The following MYT1L variants were observed in gnomAD, a reference collection of about 807,000 sequenced individuals.
MYT1L encodes myelin transcription factor 1 like, also known as myelin transcription factor 1-like protein.
MYT1L carries 12 observed loss-of-function variants against 126.7 expected under a neutral mutation model. That is an observed-to-expected ratio of 0.09 (90% CI 0.06 to 0.15). The LOEUF (loss-of-function observed/expected upper bound fraction) is 0.15. Ranked by LOEUF, MYT1L falls within the 10% of genes least tolerant of loss-of-function variation. The pLI is 1.00. For missense variants in MYT1L, 979 were observed against 1,585.2 expected, an observed-to-expected ratio of 0.62 and a Z score of 6.49; for synonymous variants, 541 against 604.2, an observed-to-expected ratio of 0.90 and a Z score of 1.53.
At chr2:2,285,775 T>C (rs936050961) in intron 1 of MYT1L, among the ~76,000 whole-genome samples, 2 of 152,194 alleles carry the variant, frequency 1.3e-5, no homozygotes, top group African/African-American at 4.8e-5. Flanking sequence ...AGTATCTCTC[T>C]TAATCCTCAA....
intron 3 of MYT1L, among the ~76,000 whole-genome samples, chr2:2,092,005 A>G (rs563129416): frequency 3.3e-5 from 5 of 152,328 alleles, no homozygotes; most frequent in African/African-American, 1.2e-4. Flanking sequence ...AACTTTCCCC[A>G]TATCAGCAAT....
intron 8 of MYT1L, among the ~76,000 whole-genome samples, chr2:1,977,431 G>A (rs551007153): frequency 1.1e-4 from 17 of 152,274 alleles, no homozygotes; most frequent in South Asian, 2.1e-4. Context: ...ATTTGGAAAC[G>A]TCACGATTTT....
At chr2:1,845,182 T>A (rs1362963300) in intron 19 of MYT1L, among the ~76,000 whole-genome samples, 1 of 152,116 alleles carries the variant, frequency 6.6e-6, no homozygotes, top group Non-Finnish European at 1.5e-5. Context: ...TTTCATCATG[T>A]TAGCTGATCT....
rs1440658953 is a variant in MYT1L at position 2,059,210 on chromosome 2, T to C, written c.-303-5087A>G. ...GGTGCCTGGCTGAGTGGGCCTGCAG[T>C]GGCCATAGCATCCCAGCTTCTTACT... On this transcript the variant is annotated intron_variant, in intron 3 of 24. Coordinates refer to ENST00000647738, the MANE Select transcript of MYT1L (RefSeq NM_001303052.2). The surrounding 1 kb of genome is among the most constrained non-coding windows in gnomAD (Gnocchi z 4.7). Among the ~76,000 whole-genome samples, 1 of 152,208 alleles carries C rather than the reference T, an allele frequency of 6.6e-6. No homozygotes were observed. Among genetic ancestry groups the C allele is most frequent in the Non-Finnish European group, 1.5e-5 (1 of 68,046 alleles).
At chr2:1,956,756 T>C (rs2058517505) in intron 8 of MYT1L, among the ~76,000 whole-genome samples, 3 of 152,114 alleles carry the variant, frequency 2.0e-5, no homozygotes, top group Admixed American at 2.0e-4. Flanking sequence ...ACAAGAGATA[T>C]AATATTTTCT....
rs1209160438 is a variant in MYT1L, at chr2:1,903,186, G to A, written c.1926C>T (p.Ser642=). ...AACTGTTGTATTCAAACGAGGTCTT[G>A]GAATATTTCTCGAGCTCCTTGGCCA... ...SNLAKELEKY[S]KTSFEYNSYD... is the part of the protein sequence containing the mutation. The change falls in exon 14 of 25, where the codon TCC becomes TCT. Residue 642 remains serine (S), a synonymous_variant. Coordinates refer to ENST00000647738, the MANE Select transcript of MYT1L (RefSeq NM_001303052.2). 6.2e-7 allele frequency: 1 copy of A among 1,613,924 alleles called. No homozygotes were observed. The highest frequency in any genetic ancestry group is 8.5e-7 in the Non-Finnish European group (1 of 1,179,874).
At chr2:2,316,277 G>C (rs927805566) in intron 1 of MYT1L, among the ~76,000 whole-genome samples, 2 of 152,178 alleles carry the variant, frequency 1.3e-5, no homozygotes, top group African/African-American at 4.8e-5. Flanking sequence ...GTGAGAACAT[G>C]CCATCGGCTA....
intron 18 of MYT1L, among the ~76,000 whole-genome samples, chr2:1,882,317 G>A (rs920807050): frequency 2.6e-5 from 4 of 152,098 alleles, no homozygotes; most frequent in African/African-American, 9.7e-5. Context: ...TCTCCCCCGA[G>A]ACATTCCCAT....
chr2:1,842,866 A>AGCTTCCGCTGCCAGGC (rs2041946682), intron 19 of MYT1L: 2 of 85,194 alleles, frequency 2.3e-5, no homozygotes, highest in Non-Finnish European at 4.6e-5. Flanking sequence ...TCGTCTGTCC[A>AGCTTCCGCTGCCAGGC]GCTTCCGCTT....
Position 1,922,292 on chromosome 2 carries a change from C to T in MYT1L, c.1477G>A (p.Gly493Ser), listed in dbSNP as rs1329638806. 5.0e-6 allele frequency: 8 copies of T among 1,613,336 alleles called. No individual in the cohort carries two copies. The highest frequency in any genetic ancestry group is 6.8e-6 in the Non-Finnish European group (8 of 1,179,464). The change falls in exon 10 of 25, where the codon GGT becomes AGT. Residue 493 changes from glycine to serine, a missense_variant. Coordinates refer to ENST00000647738, the MANE Select transcript of MYT1L (RefSeq NM_001303052.2). This position sits in a 1 kb window ranked among gnomAD's most constrained non-coding sequence, Gnocchi z 7.4. ...CGTTAGGTAGAAATATTACCTTTAC[C>T]ATAGTATGGCTTTTTGACATGGCTG... is the stretch of plus-strand genomic sequence containing the variant. ...SDSHVKKPYY[G>S]KDPSRTEKKE...
intron 2 of MYT1L, among the ~76,000 whole-genome samples, chr2:2,223,373 G>A (rs562777262): frequency 6.6e-6 from 1 of 152,326 alleles, no homozygotes; most frequent in African/African-American, 2.4e-5. Context: ...CTCTATTAAA[G>A]AGTATTTGAA....
intron 3 of MYT1L, among the ~76,000 whole-genome samples, chr2:2,104,714 C>T (rs1022965623): frequency 1.3e-5 from 2 of 152,342 alleles, no homozygotes; most frequent in South Asian, 4.1e-4. Flanking sequence ...TGAATGTTAC[C>T]TTAGGAAACA....
intron 4 of MYT1L, among the ~76,000 whole-genome samples, chr2:2,034,140 T>C (rs951429158): frequency 6.6e-6 from 1 of 152,142 alleles, no homozygotes; most frequent in African/African-American, 2.4e-5. Context: ...TAGTAAGTCG[T>C]AGGGACATTG....
At chr2:2,178,603 T>A (rs1255575842) in intron 2 of MYT1L, among the ~76,000 whole-genome samples, 1 of 152,198 alleles carries the variant, frequency 6.6e-6, no homozygotes, top group Non-Finnish European at 1.5e-5. Flanking sequence ...CTCTGTCCCC[T>A]CAGGGTCTGC....
intron 4 of MYT1L, among the ~76,000 whole-genome samples, chr2:2,006,522 C>T (rs1030791313): frequency 2.0e-5 from 3 of 152,082 alleles, no homozygotes; most frequent in Non-Finnish European, 4.4e-5. Flanking sequence ...TCCCCATCAC[C>T]CCCCACCCAT....
Position 1,892,073 on chromosome 2 carries a change from G to A in MYT1L, c.2247C>T (p.Asn749=). The A allele has an allele frequency of 6.5e-7, 1 of 1,541,040 alleles. No homozygotes were observed. The highest frequency in any genetic ancestry group is 8.7e-7 in the Non-Finnish European group (1 of 1,146,090). ...LSTRCREMPQ[N]LSTKPQDLCA... ...ACAGGTCCTGCGGCTTGGTGCTCAG[G>A]TTCTGCGGCATCTCGCGGCAGCGCG... is the stretch of plus-strand genomic sequence containing the variant. Residue 749 remains asparagine, a synonymous_variant, in exon 15 of 25, where the codon AAC becomes AAT. Coordinates refer to ENST00000647738, the MANE Select transcript of MYT1L (RefSeq NM_001303052.2).
chr2:2,037,804 CA>C (rs527384744), intron 4 of MYT1L, among the ~76,000 whole-genome samples: 1,509 of 139,998 alleles, frequency 0.011, 32 homozygotes, highest in African/African-American at 0.037. Flanking sequence ...AACAAAAAAA[CA>C]AAAAAAAAAC....
intron 14 of MYT1L, among the ~76,000 whole-genome samples, chr2:1,898,511 G>T (rs2049912936): frequency 6.6e-6 from 1 of 152,220 alleles, no homozygotes. Flanking sequence ...TTTCCTCAGT[G>T]TCCTTGGCAC....
At chr2:2,229,804 G>C (rs185035887) in intron 2 of MYT1L, among the ~76,000 whole-genome samples, 49 of 152,262 alleles carry the variant, frequency 3.2e-4, no homozygotes, top group Admixed American at 3.0e-3. Context: ...GTGTAAAACT[G>C]CACAGCTAGT....
Sources: allele counts gnomAD v4.1 joint callset (sites outside exome capture counted in the v4.1 genomes callset), GRCh38; gene constraint gnomAD v4.1.1; non-coding constraint Gnocchi (gnomAD v3.1); transcripts MANE v1.5; gene names NCBI Gene and HGNC (gene_info 2026-07-23, HGNC 2026-07-21).